Variants in CD36 observed in about 807,000 individuals in gnomAD.
CD36 encodes platelet glycoprotein 4.
In CD36, 119 loss-of-function variants were observed where a neutral mutation model predicts 55.2. The ratio of observed to expected loss-of-function variants is 2.15; its 90% confidence interval spans 1.86 to 2.51. The LOEUF is 2.51. Among genes scored for constraint, CD36 ranks in the 30% most tolerant of loss-of-function variants. The pLI is 0.00. For missense variants in CD36, 819 were observed against 555.5 expected, an observed-to-expected ratio of 1.47 and a Z score of -4.77; for synonymous variants, 186 against 193.6, an observed-to-expected ratio of 0.96 and a Z score of 0.33.
upstream of CD36, among the ~76,000 whole-genome samples, chr7:80,634,959 G>A (rs1385137622): frequency 6.6e-6 from 1 of 151,826 alleles, no homozygotes; most frequent in Non-Finnish European, 1.5e-5. Flanking sequence ...AAAAAAAATT[G>A]TCAAATGTCC....
intron 2 of CD36, chr7:80,646,402 T>G: frequency 3.0e-6 from 1 of 336,584 alleles, no homozygotes; most frequent in South Asian, 2.5e-5. Context: ...GTTAATCATG[T>G]GTAGAAAGAA....
intron 1 of CD36, among the ~76,000 whole-genome samples, chr7:80,605,936 A>G (rs1167775220): frequency 6.6e-6 from 1 of 152,118 alleles, no homozygotes; most frequent in Admixed American, 6.5e-5. Flanking sequence ...GACCTTTGCT[A>G]TTGCCTAGAG....
chr7:80,605,795 A>G (rs1397365096), intron 1 of CD36, among the ~76,000 whole-genome samples: 1 of 152,178 alleles, frequency 6.6e-6, no homozygotes, highest in Non-Finnish European at 1.5e-5. Context: ...TTTAATTTCT[A>G]TTAGCCCCAT....
At chr7:80,609,164 T>A (rs563457331) in intron 1 of CD36, among the ~76,000 whole-genome samples, 1 of 152,206 alleles carries the variant, frequency 6.6e-6, no homozygotes, top group Non-Finnish European at 1.5e-5. Flanking sequence ...AAGTTTGGTA[T>A]AGTATGTGTT....
Position 80,656,582 on chromosome 7 carries a change from G to A in CD36, c.163G>A (p.Val55Ile). Residue 55 changes from valine (V) to isoleucine (I), a missense_variant, in exon 4 of 15, where the codon GTT becomes ATT. Coordinates refer to ENST00000447544, the MANE Select transcript of CD36 (RefSeq NM_001001548.3). Reference protein sequence around the residue: ...EEGTIAFKNWVKTGTEVYRQF... With the variant: ...EEGTIAFKNWIKTGTEVYRQF... The stretch of plus-strand genomic sequence containing the variant: ...AGGTACAATTGCTTTTAAAAATTGG[G>A]TTAAAACAGGCACAGAAGTTTACAG... 6.2e-6 allele frequency: 10 copies of A among 1,613,702 alleles called. No homozygotes were observed. Among genetic ancestry groups the A allele is most frequent in the South Asian group, 2.2e-5 (2 of 91,084 alleles).
intron 12 of CD36, 198 bp downstream of exon 12, chr7:80,673,041 G>T: frequency 1.8e-6 from 1 of 555,598 alleles, no homozygotes; most frequent in Non-Finnish European, 3.2e-6. Flanking sequence ...TTTTATTTGA[G>T]CATTTGATAG....
At chr7:80,613,795 C>A (rs1183973683) in intron 1 of CD36, among the ~76,000 whole-genome samples, 2 of 151,996 alleles carry the variant, frequency 1.3e-5, no homozygotes, top group African/African-American at 4.8e-5. Context: ...GAGTTGATTC[C>A]TTGTTAACAG....
rs190423255 is a variant in CD36 at position 80,662,783 on chromosome 7, G to A, written c.430-207G>A. Among the ~76,000 whole-genome samples the A allele has an allele frequency of 1.5e-4, 23 of 152,172 alleles. 1 individual carries two copies. The East Asian group carries it at 4.2e-3, about 28-fold the overall frequency. Reference sequence around the variant, plus strand: ...TAAATAGAGCTTAACTTGGAATGTCGTCTTCTTGTGGCTGGCACTGAGGCA... The same window carrying A: ...TAAATAGAGCTTAACTTGGAATGTCATCTTCTTGTGGCTGGCACTGAGGCA... On this transcript the variant is annotated intron_variant, in intron 5 of 14. Coordinates refer to ENST00000447544, the MANE Select transcript of CD36 (RefSeq NM_001001548.3).
intron 3 of CD36, among the ~76,000 whole-genome samples, chr7:80,652,351 C>A (rs187094472): frequency 6.6e-6 from 1 of 152,202 alleles, no homozygotes; most frequent in East Asian, 1.9e-4. Flanking sequence ...AGGCTAATTT[C>A]TAGGTTTCAG....
intron 1 of CD36, among the ~76,000 whole-genome samples, chr7:80,615,597 T>C (rs559532283): frequency 6.6e-6 from 1 of 152,310 alleles, no homozygotes; most frequent in African/African-American, 2.4e-5. Flanking sequence ...TTCAAGACCA[T>C]ATTTTATTCA....
chr7:80,668,618 A>C (rs967978844), intron 8 of CD36, among the ~76,000 whole-genome samples: 2 of 152,192 alleles, frequency 1.3e-5, no homozygotes, highest in South Asian at 4.1e-4. Context: ...TATAATTAGG[A>C]CATAATCTTC....
Position 80,664,482 on chromosome 7 carries a change from CAT to C in CD36, c.690_691del (p.Tyr230Ter). The C allele has an allele frequency of 6.5e-7, 1 of 1,549,182 alleles. No individual in the cohort carries two copies. The highest frequency in any genetic ancestry group is 8.9e-7 in the Non-Finnish European group (1 of 1,121,316). On this transcript the variant is annotated frameshift_variant, in exon 7 of 15. Transcript: ENST00000447544. LOFTEE classifies it high-confidence loss of function. ...ATAAGTAAAGTTGCCATAATCGACA[CAT>C]ATAAAGGTAAAAGGTAAGTATTCTG...
At chr7:80,661,409 TA>T (rs1158175236) in intron 5 of CD36, among the ~76,000 whole-genome samples, 199 bp downstream of exon 5, 1 of 152,208 alleles carries the variant, frequency 6.6e-6, no homozygotes, top group Non-Finnish European at 1.5e-5. Flanking sequence ...AAGACCACTT[TA>T]TTTTTTTCAT....
chr7:80,635,069 C>A (rs1794306717), upstream of CD36, among the ~76,000 whole-genome samples: 1 of 151,990 alleles, frequency 6.6e-6, no homozygotes, highest in Non-Finnish European at 1.5e-5. Context: ...ATAAAAATGG[C>A]TAATATACTT....
rs559916528 is a variant in CD36, at chr7:80,674,083, G to T, written c.1355G>T (p.Gly452Val). 1 of 1,612,126 alleles carries T rather than the reference G, an allele frequency of 6.2e-7. No individual in the cohort carries two copies. Among genetic ancestry groups the T allele is most frequent in the African/African-American group, 1.3e-5 (1 of 74,852 alleles). The change falls in exon 14 of 15, where the codon GGT becomes GTT. Residue 452 changes from glycine (G) to valine (V), a missense_variant. Transcript: ENST00000447544. ...ATAGAAATGATCTTACTCAGTGTTG[G>T]TGTGGTGATGTTTGTTGCTTTTATG... ...GLIEMILLSV[G>V]VVMFVAFMIS...
intron 2 of CD36, 66 bp from the exon 3 acceptor site, chr7:80,646,586 C>A: frequency 1.1e-6 from 1 of 873,060 alleles, no homozygotes; most frequent in South Asian, 1.5e-5. Flanking sequence ...TGGGTGTTTT[C>A]TTTGTACTTT....
intron 3 of CD36, among the ~76,000 whole-genome samples, chr7:80,649,263 A>C (rs1354318383): frequency 6.6e-6 from 1 of 152,050 alleles, no homozygotes; most frequent in Non-Finnish European, 1.5e-5. Context: ...CATTCTCCAA[A>C]TGTAAGCAAT....
upstream of CD36, among the ~76,000 whole-genome samples, chr7:80,634,833 G>A (rs527492995): frequency 6.6e-6 from 1 of 151,592 alleles, no homozygotes; most frequent in South Asian, 2.1e-4. Context: ...AGTGGATAAA[G>A]GCTTTCAAAG....
chr7:80,663,318 A>AT (rs1011360452), intron 6 of CD36, 149 bp downstream of exon 6: 3 of 684,306 alleles, frequency 4.4e-6, no homozygotes, highest in Non-Finnish European at 7.6e-6. Flanking sequence ...TCCACTTCTC[A>AT]TTATAGCTTC....
Sources: gnomAD v4.1 joint callset for allele counts (sites outside exome capture counted in the v4.1 genomes callset) on GRCh38, gnomAD v4.1.1 for gene constraint, MANE v1.5 for transcripts, NCBI Gene and HGNC (gene_info 2026-07-23, HGNC 2026-07-21) for gene names.